Variants in TULP1 observed in about 807,000 individuals in gnomAD.
TULP1 encodes the protein TUB like protein 1.
In TULP1, 50 loss-of-function variants were observed where a neutral mutation model predicts 67.1. The observed-to-expected ratio is 0.75, with a 90% CI of 0.59 to 0.94. The LOEUF (loss-of-function observed/expected upper bound fraction) is 0.94, where lower values mean the gene tolerates loss of function less well. Among genes scored for constraint, TULP1 ranks in the 40% least tolerant of loss-of-function variants. The pLI is 0.00. For synonymous variants in TULP1, 297 were observed against 294.0 expected, an observed-to-expected ratio of 1.01 and a Z score of -0.11; for missense variants, 746 against 734.1, an observed-to-expected ratio of 1.02 and a Z score of -0.19.
Position 35,511,014 on chromosome 6 carries a change from C to T in TULP1, c.350-4G>A, listed in dbSNP as rs370729430. The T allele has an allele frequency of 6.2e-7, 1 of 1,604,314 alleles. No individual in the cohort carries two copies. The highest frequency in any genetic ancestry group is 1.3e-5 in the African/African-American group (1 of 75,034). ...TCCTCCTCTTCCTCCTCCTCCTCTG[C>T]AGGTAGAAACTCTTCATAATGGGGG... On this transcript the variant is annotated splice_region_variant and splice_polypyrimidine_tract_variant and intron_variant, in intron 4 of 14. Transcript: ENST00000229771.
At chr6:35,502,632 G>GAGATTACA (rs1760988833) in intron 13 of TULP1, among the ~76,000 whole-genome samples, 1 of 151,814 alleles carries the variant, frequency 6.6e-6, no homozygotes, top group African/African-American at 2.4e-5. Context: ...GTAAACAGGT[G>GAGATTACA]AGATTACAGT....
At chr6:35,510,369 G>A (rs1273294268) in intron 5 of TULP1, among the ~76,000 whole-genome samples, 1 of 152,130 alleles carries the variant, frequency 6.6e-6, no homozygotes, top group African/African-American at 2.4e-5. Context: ...TTTGTCCCAT[G>A]TCCTCCAGGA....
rs562638059 is a variant in TULP1, at chr6:35,503,887, T to C, written c.1113-39A>G. 8 of 1,501,170 alleles carry C rather than the reference T, an allele frequency of 5.3e-6. No individual in the cohort carries two copies. The highest frequency in any genetic ancestry group is 1.7e-4 in the Middle Eastern group (1 of 5,820). 93.0% of individuals were successfully genotyped at this position (1,501,170 alleles called of 1,614,324 possible). A position where few individuals can be genotyped will look rare whatever the true frequency, so the allele number is the denominator to read the frequency against. On this transcript the variant is annotated intron_variant, in intron 11 of 14. Transcript: ENST00000229771. The surrounding 1 kb of genome is among the most constrained non-coding windows in gnomAD (Gnocchi z 4.0). ...AGAGCTTGGGGTGGGGCTGAGGGGA[T>C]CCTACATCCCTGCCCCAGGCCCCTT...
In TULP1 at chr6:35,506,077, G is replaced by C; in HGVS notation, c.925C>G (p.Leu309Val). Residue 309 changes from leucine (L) to valine (V), a missense_variant, in exon 10 of 15, where the codon CTG becomes GTG. Transcript: ENST00000229771. ...TCCATGCCCTTTTTGTCCCGGGTCA[G>C]CCGGCAGCGCACCGTGCGGCCCTGG... ...APQGRTVRCR[L>V]TRDKKGMDRG... The C allele has an allele frequency of 6.2e-7, 1 of 1,613,676 alleles. No homozygotes were observed. Among genetic ancestry groups the C allele is most frequent in the Non-Finnish European group, 8.5e-7 (1 of 1,180,036 alleles).
Position 35,498,032 on chromosome 6 carries a change from A to G in TULP1, c.*295T>C. 5.3e-6 allele frequency: 3 copies of G among 564,216 alleles called. No homozygotes were observed. The highest frequency in any genetic ancestry group is 9.5e-6 in the Non-Finnish European group (3 of 314,886). The allele number at this position is 564,216 out of a possible 1,614,324, so 35.0% of individuals were successfully genotyped here. A position where few individuals can be genotyped will look rare whatever the true frequency, so the allele number is the denominator to read the frequency against. ...CAATGACTACTGCTCCCGGACAGGAAGTGACTGGGGCGCGGGGAGGAGGGG... is the reference window on the plus strand; with the variant it reads ...CAATGACTACTGCTCCCGGACAGGAGGTGACTGGGGCGCGGGGAGGAGGGG... On this transcript the variant is annotated 3_prime_UTR_variant, in exon 15 of 15. Transcript: ENST00000229771. This position sits in a 1 kb window ranked among gnomAD's most constrained non-coding sequence, Gnocchi z 6.7.
In TULP1 at chr6:35,506,113, G is replaced by A. The variant is rs151270439; in HGVS notation, c.889C>T (p.Arg297Trp). The change falls in exon 10 of 15, where the codon CGG becomes TGG. Residue 297 changes from arginine (R) to tryptophan (W), a missense_variant. Coordinates refer to ENST00000229771, the MANE Select transcript of TULP1 (RefSeq NM_003322.6). ...EVDEPREFVLRPAPQGRTVRC... is the reference protein window; with the variant it reads ...EVDEPREFVLWPAPQGRTVRC... ...ACCGTGCGGCCCTGGGGGGCAGGCC[G>A]GAGCACAAACTCCCGGGGTTCGTCC... 3 of 1,613,654 alleles carry A rather than the reference G, an allele frequency of 1.9e-6. No individual in the cohort carries two copies. The highest frequency in any genetic ancestry group is 1.7e-5 in the Admixed American group (1 of 60,022).
chr6:35,501,189 A>G (rs1401814375), intron 13 of TULP1, among the ~76,000 whole-genome samples: 1 of 152,074 alleles, frequency 6.6e-6, no homozygotes, highest in Non-Finnish European at 1.5e-5. Context: ...ACACACACAC[A>G]CGCAAAACAA....
chr6:35,506,180 G>A lies in TULP1; in HGVS notation c.829-7C>T, dbSNP rs780382505. On this transcript the variant is annotated splice_polypyrimidine_tract_variant and splice_region_variant and intron_variant, in intron 9 of 14. Transcript: ENST00000229771. ...ACGGGGCCCTCTCCTCCTTCTGGGT[G>A]GGGGCAGAGGGTACATCAGCCCCAG... The A allele has an allele frequency of 6.8e-6, 11 of 1,613,192 alleles. No individual in the cohort carries two copies. The highest frequency in any genetic ancestry group is 8.5e-6 in the Non-Finnish European group (10 of 1,179,732).
rs1172395311 is a variant in TULP1, at chr6:35,503,691, C to G, written c.1225-34G>C. ...GAAACAGATGCCTGTGAGGCCAGCCCCTGTAAGGGGAGCAGCCTGGCATGG... is the reference window on the plus strand; with the variant it reads ...GAAACAGATGCCTGTGAGGCCAGCCGCTGTAAGGGGAGCAGCCTGGCATGG... On this transcript the variant is annotated intron_variant, in intron 12 of 14. Transcript: ENST00000229771. The surrounding 1 kb of genome is among the most constrained non-coding windows in gnomAD (Gnocchi z 4.0). 2 of 1,601,598 alleles carry G rather than the reference C, an allele frequency of 1.2e-6. No individual in the cohort carries two copies. Among genetic ancestry groups the G allele is most frequent in the Admixed American group, 3.4e-5 (2 of 58,094 alleles).
chr6:35,509,074 T>C (rs1761138403), intron 8 of TULP1, 135 bp downstream of exon 8: 2 of 815,304 alleles, frequency 2.5e-6, no homozygotes, highest in Non-Finnish European at 4.3e-6. Context: ...TTTGTCCTTA[T>C]ATCCTGTCAC....
chr6:35,501,966 G>A (rs1239675712), intron 13 of TULP1, among the ~76,000 whole-genome samples: 1 of 152,024 alleles, frequency 6.6e-6, no homozygotes, highest in South Asian at 2.1e-4. Context: ...CTGGTCACCT[G>A]GTGGTTCCTC....
chr6:35,512,129 C>T (rs1761220856), intron 3 of TULP1, 51 bp downstream of exon 3: 4 of 1,212,112 alleles, frequency 3.3e-6, no homozygotes, highest in Non-Finnish European at 4.3e-6. Context: ...AAGCCCCTCC[C>T]TTCCGCAGCC....
chr6:35,509,865 G>C lies in TULP1; in HGVS notation c.563C>G (p.Ala188Gly). ...CTTTCTCATCTTGGTCCCCTCCCCT[G>C]CTGGAGCTTCCTTATTCCTAACACG... is the stretch of plus-strand genomic sequence containing the variant. ...PLRVRNKEAP[A>G]GEGTKMRKTK... The change falls in exon 6 of 15, where the codon GCA becomes GGA. Residue 188 changes from alanine (A) to glycine (G), a missense_variant. Ala to Gly is a moderately conservative substitution (Grantham distance 60). Around this residue, in one of 3 missense-constraint regions of TULP1, gnomAD observed 359 missense variants for 341.9 expected, o/e 1.05. Transcript: ENST00000229771. 1 of 1,613,996 alleles carries C rather than the reference G, an allele frequency of 6.2e-7. No homozygotes were observed.
chr6:35,511,540 A>G, intron 4 of TULP1, 108 bp downstream of exon 4: 1 of 1,510,322 alleles, frequency 6.6e-7, no homozygotes, highest in Non-Finnish European at 9.0e-7. Flanking sequence ...AGTGGGGGCT[A>G]TTTGACTACA....
chr6:35,510,958 TTCCTCTGCCTCCTCTTCCTCGTCC>T lies in TULP1; in HGVS notation c.378_401del (p.Asp127_Glu134del). On this transcript the variant is annotated inframe_deletion, in exon 5 of 15. Transcript: ENST00000229771. ...GAGGCAGAAGGATTTTCTCTTTCTTTTCCTCTGCCTCCTCTTCCTCGTCCTCCTCGTCCTCCTCTTCCTCCTCCT... is the reference window on the plus strand; with the variant it reads ...GAGGCAGAAGGATTTTCTCTTTCTTTTCCTCGTCCTCCTCTTCCTCCTCCT... The T allele has an allele frequency of 6.2e-7, 1 of 1,612,322 alleles. No homozygotes were observed. The highest frequency in any genetic ancestry group is 8.5e-7 in the Non-Finnish European group (1 of 1,179,936).
At chr6:35,499,906 T>C in intron 14 of TULP1, 75 bp downstream of exon 14, 1 of 1,542,982 alleles carries the variant, frequency 6.5e-7, no homozygotes. Flanking sequence ...TGTGAGGGGG[T>C]GAGGGGAGCT....
chr6:35,512,005 C>T (rs1038419742), intron 3 of TULP1, 175 bp downstream of exon 3: 6 of 679,592 alleles, frequency 8.8e-6, no homozygotes, highest in Admixed American at 3.1e-5. Flanking sequence ...AACGCCACCC[C>T]CTTCTACACC....
At chr6:35,512,379 G>A (rs1306101190) in intron 2 of TULP1, 109 bp from the exon 3 acceptor site, 2 of 690,336 alleles carry the variant, frequency 2.9e-6, no homozygotes, top group Non-Finnish European at 4.8e-6. Flanking sequence ...GATTATCCGG[G>A]GGGAACTGCA....
chr6:35,502,153 C>T (rs953407241), intron 13 of TULP1, among the ~76,000 whole-genome samples: 9 of 151,854 alleles, frequency 5.9e-5, no homozygotes, highest in African/African-American at 2.2e-4. Context: ...CCCTGTTTGA[C>T]TTTTTTCTTT....
Sources: gnomAD v4.1 joint callset for allele counts (sites outside exome capture counted in the v4.1 genomes callset) on GRCh38, gnomAD v4.1.1 for gene constraint, gnomAD v4.1.1 regional missense constraint, Gnocchi (gnomAD v3.1) non-coding constraint, MANE v1.5 for transcripts, NCBI Gene and HGNC (gene_info 2026-07-23, HGNC 2026-07-21) for gene names.